The following GCLM variants were observed in gnomAD, a reference collection of about 807,000 sequenced individuals.
GCLM encodes glutamate-cysteine ligase modifier subunit, also known as glutamate--cysteine ligase regulatory subunit.
In GCLM, 15 loss-of-function variants were observed where a neutral mutation model predicts 36.0. That is an observed-to-expected ratio of 0.42 (90% CI 0.28 to 0.64). GCLM has a LOEUF of 0.64. Among genes scored for constraint, GCLM ranks in the 30% least tolerant of loss-of-function variants. The probability of loss-of-function intolerance (pLI) is 0.25; values close to 1 mark genes in which losing one functional copy is unlikely to be tolerated. For missense variants in GCLM, 242 were observed against 325.5 expected (o/e 0.74, Z 1.97); for synonymous variants, 129 against 122.8 (o/e 1.05, Z -0.34).
chr1:93,890,625 A>G (rs1478574770), intron 6 of GCLM, among the ~76,000 whole-genome samples: 2 of 152,106 alleles, frequency 1.3e-5, no homozygotes, highest in African/African-American at 2.4e-5. Context: ...ATTATCAACT[A>G]TGTCTTACAA....
intron 2 of GCLM, among the ~76,000 whole-genome samples, chr1:93,903,433 C>T (rs1349708694): frequency 6.6e-6 from 1 of 151,556 alleles, no homozygotes; most frequent in Non-Finnish European, 1.5e-5. Flanking sequence ...GCCTCAGCCT[C>T]CCGAGTAGCT....
rs752351514 is a variant in GCLM at position 93,889,131 on chromosome 1, T to C, written c.684A>G (p.Glu228=). 5.7e-6 allele frequency: 9 copies of C among 1,575,882 alleles called. No individual in the cohort carries two copies. The East Asian group carries it at 2.1e-4, about 37-fold the overall frequency. ...KELLSEASFQ[E]ALQESIPDIQ... is the part of the protein sequence containing the mutation. ...TGTCAGGAATGCTTTCCTGAAGAGC[T>C]TCTTGGAAACTTGCTTCAGAAAGCA... Residue 228 remains glutamate, a synonymous_variant, in exon 7 of 7, where the codon GAA becomes GAG. Transcript: ENST00000370238.
Position 93,909,043 on chromosome 1 carries a change from C to A in GCLM, c.121G>T (p.Glu41Ter), listed in dbSNP as rs1657257859. Residue 41 changes from glutamate to a stop codon, truncating the protein, a stop_gained, in exon 1 of 7, where the codon GAG (glutamate) becomes TAG (stop). Transcript: ENST00000370238. LOFTEE classifies it high-confidence loss of function. The part of the protein sequence containing the change: ...LRKKCPSTHS[E>*]ELHDCIQKTL... ...GCGAGTGTCGCCACGCTCACCTCCTCGCTGTGCGTGGACGGGCACTTCTTC... is the reference window on the plus strand; with the variant it reads ...GCGAGTGTCGCCACGCTCACCTCCTAGCTGTGCGTGGACGGGCACTTCTTC... 2 of 1,469,792 alleles carry A rather than the reference C, an allele frequency of 1.4e-6. No homozygotes were observed. The highest frequency in any genetic ancestry group is 1.8e-6 in the Non-Finnish European group (2 of 1,115,998). The allele number at this position is 1,469,792 out of a possible 1,614,324, so 91.0% of individuals were successfully genotyped here.
At chr1:93,889,263 A>C (rs1303259895) in intron 6 of GCLM, 104 bp from the exon 7 acceptor site, 3 of 606,138 alleles carry the variant, frequency 4.9e-6, no homozygotes, top group African/African-American at 1.9e-5. Flanking sequence ...GAAACACCTC[A>C]ACATTTAATA....
rs1403500335 is a variant in GCLM, at chr1:93,889,152, AAGC to A, written c.660_662del (p.Leu221del). 2 of 1,570,984 alleles carry A rather than the reference AAGC, an allele frequency of 1.3e-6. No individual in the cohort carries two copies. The highest frequency in any genetic ancestry group is 1.7e-6 in the Non-Finnish European group (2 of 1,162,498). ...GAGCTTCTTGGAAACTTGCTTCAGA[AAGC>A]AGTTCTAAAAGAAACAACAACAAAC... On this transcript the variant is annotated inframe_deletion, in exon 7 of 7. Coordinates refer to ENST00000370238, the MANE Select transcript of GCLM (RefSeq NM_002061.4).
intron 6 of GCLM, among the ~76,000 whole-genome samples, chr1:93,893,642 C>T (rs2100909413): frequency 6.6e-6 from 1 of 152,250 alleles, no homozygotes; most frequent in Admixed American, 6.5e-5. Flanking sequence ...TTTCACAAGA[C>T]ATTTCTCACT....
At position 93,896,631 on chromosome 1, in the gene GCLM, T is replaced by TA. The variant is rs1321686716; in HGVS notation, c.526dup (p.Tyr176LeufsTer10). The stretch of plus-strand genomic sequence containing the variant: ...GCCATCCCTCACCTGTGCCCACTGA[T>TA]ACAGCTGTTCCAACTGTGTTTTGTC... On this transcript the variant is annotated frameshift_variant, in exon 5 of 7. Transcript: ENST00000370238. LOFTEE classifies it high-confidence loss of function. 1 of 1,612,964 alleles carries TA rather than the reference T, an allele frequency of 6.2e-7. No homozygotes were observed. Among genetic ancestry groups the TA allele is most frequent in the African/African-American group, 1.3e-5 (1 of 74,922 alleles).
chr1:93,891,314 C>T (rs2100906500), intron 6 of GCLM, among the ~76,000 whole-genome samples: 1 of 152,296 alleles, frequency 6.6e-6, no homozygotes, highest in South Asian at 2.1e-4. Flanking sequence ...AAACCTCAAG[C>T]ACATTCACAC....
intron 3 of GCLM, among the ~76,000 whole-genome samples, chr1:93,899,511 T>C (rs537257754): frequency 2.6e-5 from 4 of 152,226 alleles, no homozygotes; most frequent in Middle Eastern, 3.2e-3. Flanking sequence ...TGTTTTCGCA[T>C]ATATAATGCC....
intron 2 of GCLM, among the ~76,000 whole-genome samples, chr1:93,904,037 G>C (rs1446651021): frequency 6.6e-6 from 1 of 152,176 alleles, no homozygotes; most frequent in East Asian, 1.9e-4. Flanking sequence ...GTAATGTGCT[G>C]TGAGCCTTTG....
intron 6 of GCLM, among the ~76,000 whole-genome samples, chr1:93,893,270 A>T (rs1656600962): frequency 6.6e-6 from 1 of 152,304 alleles, no homozygotes; most frequent in East Asian, 1.9e-4. Context: ...TGACAAAAAA[A>T]ATGTATAGTT....
chr1:93,890,718 T>C (rs1020667282), intron 6 of GCLM, among the ~76,000 whole-genome samples: 1 of 152,138 alleles, frequency 6.6e-6, no homozygotes, highest in Non-Finnish European at 1.5e-5. Context: ...CATTTTAAAA[T>C]GCATGCCTGG....
intron 6 of GCLM, among the ~76,000 whole-genome samples, chr1:93,893,107 GACTGTAAT>G (rs1050823310): frequency 5.3e-5 from 8 of 152,282 alleles, no homozygotes; most frequent in African/African-American, 1.9e-4. Flanking sequence ...GAAGTTTTCA[GACTGTAAT>G]ACTGTAATAC....
At chr1:93,901,538 A>G (rs748611057) in intron 3 of GCLM, 47 bp downstream of exon 3, 7 of 967,238 alleles carry the variant, frequency 7.2e-6, no homozygotes, top group Middle Eastern at 2.2e-4. Context: ...AACAAAATCT[A>G]TCGCTTCCGC....
rs116499769 is a variant in GCLM, at chr1:93,898,431, T to C, written c.278-533A>G. Among the ~76,000 whole-genome samples, 516 of 152,064 alleles carry C rather than the reference T, an allele frequency of 3.4e-3. 2 individuals carry two copies. Among genetic ancestry groups the C allele is most frequent in the African/African-American group, 0.011 (470 of 41,516 alleles). ...GGGCATAACATTATTTCCTCTTCTA[T>C]TTGGTTTACCTTTATGTAATAAATA... On this transcript the variant is annotated intron_variant, in intron 3 of 6. Coordinates refer to ENST00000370238, the MANE Select transcript of GCLM (RefSeq NM_002061.4).
rs1396287410 is a variant in GCLM, at chr1:93,888,104, A to AT, written c.*885dup. The AT allele has an allele frequency of 6.6e-6, 1 of 152,032 alleles. No individual in the cohort carries two copies. The allele number at this position is 152,032 out of a possible 1,614,324, so 9.4% of individuals were successfully genotyped here. Reference sequence around the variant, plus strand: ...TATTAATGGGGAATAAATATTACACATTTTACTCAACTGATTCTTAATTCC... The same window carrying AT: ...TATTAATGGGGAATAAATATTACACATTTTTACTCAACTGATTCTTAATTCC... On this transcript the variant is annotated 3_prime_UTR_variant, in exon 7 of 7. Transcript: ENST00000370238.
chr1:93,897,179 G>C (rs1656762227), intron 4 of GCLM, among the ~76,000 whole-genome samples: 1 of 152,068 alleles, frequency 6.6e-6, no homozygotes. Context: ...TTCTTCTCCA[G>C]TTCTACTTGC....
At chr1:93,890,311 C>T (rs1656487129) in intron 6 of GCLM, among the ~76,000 whole-genome samples, 1 of 152,022 alleles carries the variant, frequency 6.6e-6, no homozygotes, top group South Asian at 2.1e-4. Context: ...ATATTAATTA[C>T]AGTACATTAA....
chr1:93,890,879 A>AT (rs111797625), intron 6 of GCLM, among the ~76,000 whole-genome samples: 12,296 of 135,534 alleles, frequency 0.091, 574 homozygotes, highest in African/African-American at 0.13. Context: ...TTTCTTTTCT[A>AT]TTTTTTTTTT....
Sources: allele counts gnomAD v4.1 joint callset (sites outside exome capture counted in the v4.1 genomes callset), GRCh38; gene constraint gnomAD v4.1.1; transcripts MANE v1.5; gene names NCBI Gene and HGNC (gene_info 2026-07-23, HGNC 2026-07-21).